Variants in TRPC5 observed in about 807,000 individuals in gnomAD.
TRPC5 encodes the protein short transient receptor potential channel 5.
In TRPC5, 9 loss-of-function variants were observed where a neutral mutation model predicts 56.5. The observed-to-expected ratio is 0.16, with a 90% CI of 0.10 to 0.28. The LOEUF (loss-of-function observed/expected upper bound fraction) is 0.28. TRPC5 is among the 10% of genes least tolerant of loss of function. The probability of loss-of-function intolerance (pLI) is 1.00; values close to 1 mark genes in which losing one functional copy is unlikely to be tolerated. For missense variants in TRPC5, 469 were observed against 748.9 expected (o/e 0.63, Z 4.36); for synonymous variants, 282 against 278.5 (o/e 1.01, Z -0.13).
At chrX:112,079,457 T>TA (rs1189602185) in intron 1 of TRPC5, among the ~76,000 whole-genome samples, 4 of 112,234 alleles carry the variant, frequency 3.6e-5, no homozygotes, top group African/African-American at 1.3e-4. Flanking sequence ...CTATCATTGT[T>TA]TACACAGTGT....
chrX:112,054,104 C>T (rs1930282979), intron 1 of TRPC5, among the ~76,000 whole-genome samples: 1 of 111,788 alleles, frequency 8.9e-6, no homozygotes, highest in East Asian at 2.8e-4. Flanking sequence ...CATTGGAATG[C>T]TCAATTCATC....
intron 7 of TRPC5, among the ~76,000 whole-genome samples, chrX:111,792,762 C>A (rs1240224623): frequency 1.8e-5 from 2 of 112,246 alleles, no homozygotes; most frequent in Non-Finnish European, 3.8e-5. Flanking sequence ...CATCCAGGCA[C>A]TTTGGGCCCT....
intron 3 of TRPC5, among the ~76,000 whole-genome samples, chrX:111,876,821 A>G (rs910742109): frequency 1.8e-5 from 2 of 111,532 alleles, no homozygotes; most frequent in Non-Finnish European, 1.9e-5. Context: ...TCTCAAGGGT[A>G]TGGTGGTGGT....
chrX:112,019,258 G>A (rs183464673), intron 1 of TRPC5, among the ~76,000 whole-genome samples: 287 of 112,069 alleles, frequency 2.6e-3, no homozygotes, highest in Non-Finnish European at 3.6e-3. Flanking sequence ...CATCATTTCA[G>A]TGAGAAATAA....
chrX:111,807,640 G>A (rs1048420914), intron 7 of TRPC5, among the ~76,000 whole-genome samples: 16 of 112,172 alleles, frequency 1.4e-4, no homozygotes, highest in Non-Finnish European at 2.8e-4. Flanking sequence ...ATATTTATCT[G>A]TGTCTGGGCA....
At chrX:111,915,213 G>T (rs1255210785) in intron 2 of TRPC5, among the ~76,000 whole-genome samples, 1 of 112,106 alleles carries the variant, frequency 8.9e-6, no homozygotes. Flanking sequence ...GTATGATAGA[G>T]CCAAAAGGTT....
chrX:111,986,523 G>A (rs1352708060), intron 1 of TRPC5, among the ~76,000 whole-genome samples: 1 of 110,476 alleles, frequency 9.1e-6, no homozygotes, highest in African/African-American at 3.3e-5. Context: ...GTTCTGAGAA[G>A]ACTCAGCATT....
At chrX:111,865,029 C>T (rs749630583) in intron 3 of TRPC5, among the ~76,000 whole-genome samples, 9 of 110,303 alleles carry the variant, frequency 8.2e-5, no homozygotes, top group Middle Eastern at 4.6e-3. Context: ...GACAGAGTAC[C>T]GCTCTGTCTG....
intron 1 of TRPC5, among the ~76,000 whole-genome samples, chrX:112,014,342 C>A (rs113852804): frequency 8.9e-6 from 1 of 112,373 alleles, no homozygotes; most frequent in African/African-American, 3.2e-5. Context: ...TGACATTATG[C>A]CTTTTCATAG....
intron 2 of TRPC5, among the ~76,000 whole-genome samples, chrX:111,950,866 T>A (rs1423540482): frequency 8.9e-6 from 1 of 112,148 alleles, no homozygotes; most frequent in Non-Finnish European, 1.9e-5. Flanking sequence ...GTGTATGGTT[T>A]CCATGTCCAT....
intron 1 of TRPC5, among the ~76,000 whole-genome samples, chrX:112,062,507 A>G (rs973496641): frequency 1.1e-4 from 12 of 112,304 alleles, no homozygotes; most frequent in African/African-American, 3.6e-4. Context: ...CATACTAGAC[A>G]TGCAACATAT....
At chrX:112,037,385 C>A (rs1929774365) in intron 1 of TRPC5, among the ~76,000 whole-genome samples, 1 of 112,015 alleles carries the variant, frequency 8.9e-6, no homozygotes, top group South Asian at 3.8e-4. Flanking sequence ...GCACCACTGT[C>A]ACCAAAGATT....
intron 1 of TRPC5, among the ~76,000 whole-genome samples, chrX:111,962,637 C>T (rs1390427145): frequency 8.9e-6 from 1 of 112,265 alleles, no homozygotes; most frequent in Non-Finnish European, 1.9e-5. Context: ...GTTGAAATGA[C>T]ACTAACAGAT....
At chrX:111,857,675 G>A (rs1923280326) in intron 3 of TRPC5, among the ~76,000 whole-genome samples, 2 of 112,502 alleles carry the variant, frequency 1.8e-5, no homozygotes, top group Admixed American at 1.9e-4. Flanking sequence ...AGCTGTTGCA[G>A]TGCAAACTCA....
chrX:111,831,115 G>A (rs1237014162), intron 7 of TRPC5, among the ~76,000 whole-genome samples: 4 of 112,411 alleles, frequency 3.6e-5, no homozygotes, highest in African/African-American at 9.7e-5. Flanking sequence ...TTTTGGTGCT[G>A]GAGCAGGGTC....
chrX:112,012,288 C>T (rs950583245), intron 1 of TRPC5, among the ~76,000 whole-genome samples: 2 of 112,114 alleles, frequency 1.8e-5, no homozygotes, highest in Non-Finnish European at 3.8e-5. Flanking sequence ...TACTGCAGTT[C>T]GGTGTGATTC....
At chrX:111,885,356 T>C (rs1193725258) in intron 3 of TRPC5, among the ~76,000 whole-genome samples, 2 of 111,661 alleles carry the variant, frequency 1.8e-5, no homozygotes, top group Non-Finnish European at 3.8e-5. Context: ...CTAAATCTAG[T>C]TAGGACCTAG....
At chrX:112,054,277 G>C (rs945177038) in intron 1 of TRPC5, among the ~76,000 whole-genome samples, 1 of 110,970 alleles carries the variant, frequency 9.0e-6, no homozygotes, top group Admixed American at 9.6e-5. Context: ...ATTGGTAGTG[G>C]AAGGGGATGA....
chrX:111,781,919 A>G lies in TRPC5; in HGVS notation c.2100+16T>C. On this transcript the variant is annotated intron_variant, in intron 8 of 10. Coordinates refer to ENST00000262839, the MANE Select transcript of TRPC5 (RefSeq NM_012471.3). ...TCAATTTTTAAAAATTAAGTTTTCA[A>G]AATTAAAAGTCTTACTGTGAAACTT... 1 of 1,164,317 alleles carries G rather than the reference A, an allele frequency of 8.6e-7. No homozygotes were observed. Among genetic ancestry groups the G allele is most frequent in the African/African-American group, 1.8e-5 (1 of 55,607 alleles).
Sources: allele counts gnomAD v4.1 joint callset (sites outside exome capture counted in the v4.1 genomes callset), GRCh38; gene constraint gnomAD v4.1.1; transcripts MANE v1.5; gene names NCBI Gene and HGNC (gene_info 2026-07-23, HGNC 2026-07-21).